ADAM12: variants seen among roughly 807,000 people sequenced by gnomAD.
ADAM12 encodes the protein disintegrin and metalloproteinase domain-containing protein 12.
In ADAM12, 70 loss-of-function variants were observed where a neutral mutation model predicts 106.4. The ratio of observed to expected loss-of-function variants is 0.66; its 90% CI spans 0.54 to 0.80. The LOEUF is 0.80. ADAM12 is among the 30% of genes least tolerant of loss of function. The pLI is 0.00. For synonymous variants in ADAM12, 420 were observed against 433.5 expected (o/e 0.97, Z 0.39); for missense variants, 1,010 against 1,171.9 (o/e 0.86, Z 2.02).
At chr10:126,364,656 G>A (rs960673687) in intron 1 of ADAM12, among the ~76,000 whole-genome samples, 24 of 152,042 alleles carry the variant, frequency 1.6e-4, no homozygotes, top group African/African-American at 5.6e-4. Context: ...AAAGGGTAGT[G>A]CTCATATATA....
At chr10:126,279,556 T>A (rs567260365) in intron 2 of ADAM12, among the ~76,000 whole-genome samples, 1 of 151,812 alleles carries the variant, frequency 6.6e-6, no homozygotes, top group Non-Finnish European at 1.5e-5. Flanking sequence ...TGAAACCCCA[T>A]CTCTATTAAA....
chr10:126,142,735 C>T (rs910882589), intron 4 of ADAM12, among the ~76,000 whole-genome samples: 1 of 152,216 alleles, frequency 6.6e-6, no homozygotes, highest in Non-Finnish European at 1.5e-5. Context: ...AGCCTCATTA[C>T]AGTGTCACTC....
At chr10:126,311,370 T>C (rs558340859) in intron 2 of ADAM12, among the ~76,000 whole-genome samples, 90 of 152,252 alleles carry the variant, frequency 5.9e-4, no homozygotes, top group African/African-American at 2.0e-3. Flanking sequence ...AGTAGCACAG[T>C]GCTTAGGGCA....
At chr10:126,279,311 G>A in intron 2 of ADAM12, among the ~76,000 whole-genome samples, 1 of 151,942 alleles carries the variant, frequency 6.6e-6, no homozygotes, top group African/African-American at 2.4e-5. Context: ...TTGTGCCTGT[G>A]GTCCTAGCTA....
chr10:126,079,368 G>C (rs1436391512), intron 11 of ADAM12, among the ~76,000 whole-genome samples: 1 of 151,376 alleles, frequency 6.6e-6, no homozygotes, highest in Non-Finnish European at 1.5e-5. Flanking sequence ...CCACGAATCT[G>C]CTTTCTGTCT....
chr10:126,339,386 C>T (rs1355939435), intron 1 of ADAM12, among the ~76,000 whole-genome samples: 2 of 152,190 alleles, frequency 1.3e-5, no homozygotes, highest in African/African-American at 2.4e-5. Flanking sequence ...CTTGTCAATA[C>T]CATCCACATT....
chr10:126,224,182 G>A (rs1958148534), intron 3 of ADAM12, among the ~76,000 whole-genome samples: 1 of 152,054 alleles, frequency 6.6e-6, no homozygotes, highest in Non-Finnish European at 1.5e-5. Flanking sequence ...AGCCCAGAGA[G>A]GGCCTGACTT....
At chr10:126,209,842 C>G (rs1957866657) in intron 3 of ADAM12, among the ~76,000 whole-genome samples, 2 of 152,176 alleles carry the variant, frequency 1.3e-5, no homozygotes, top group South Asian at 4.1e-4. Flanking sequence ...GACAGCAGAA[C>G]ACGACTCAAT....
At chr10:126,308,357 C>T (rs1464908194) in intron 2 of ADAM12, among the ~76,000 whole-genome samples, 3 of 152,200 alleles carry the variant, frequency 2.0e-5, no homozygotes, top group Non-Finnish European at 4.4e-5. Context: ...TGGACCTTGT[C>T]TCCCAAGTTA....
intron 12 of ADAM12, among the ~76,000 whole-genome samples, chr10:126,067,298 T>C (rs920239647): frequency 3.9e-5 from 6 of 152,252 alleles, no homozygotes; most frequent in African/African-American, 1.4e-4. Flanking sequence ...CACAATTCCC[T>C]GCAATCTCGC....
Position 126,330,413 on chromosome 10 carries a change from T to G in ADAM12, c.185A>C (p.Lys62Thr). ...GCTGAGAAAAGGAGAGGAACTCACCTTGGAGTCGAAGCTCTTCACTGGGAT... is the reference window on the plus strand; with the variant it reads ...GCTGAGAAAAGGAGAGGAACTCACCGTGGAGTCGAAGCTCTTCACTGGGAT... ...LWIPVKSFDS[K>T]NHPEVLNIRL... The change falls in exon 2 of 23, where the codon AAG (lysine) becomes ACG (threonine). Residue 62 changes from lysine to threonine, a missense_variant and splice_region_variant. Lys to Thr is a moderately conservative substitution (Grantham distance 78, BLOSUM62 -1). Coordinates refer to ENST00000448723, the MANE Select transcript of ADAM12 (RefSeq NM_001288973.2). 1.2e-6 allele frequency: 2 copies of G among 1,611,584 alleles called. No individual in the cohort carries two copies. The highest frequency in any genetic ancestry group is 1.7e-6 in the Non-Finnish European group (2 of 1,179,204).
At chr10:126,316,796 A>AAAAAAAG (rs1367082399) in intron 2 of ADAM12, among the ~76,000 whole-genome samples, 3 of 151,824 alleles carry the variant, frequency 2.0e-5, no homozygotes, top group Admixed American at 2.0e-4. Flanking sequence ...AAAAAAAAAA[A>AAAAAAAG]AAAAAGAAAA....
intron 1 of ADAM12, among the ~76,000 whole-genome samples, chr10:126,386,168 G>T (rs1856653135): frequency 6.6e-6 from 1 of 152,116 alleles, no homozygotes; most frequent in Non-Finnish European, 1.5e-5. Flanking sequence ...CTGGGTTCAG[G>T]AAGGCTGGGG....
In ADAM12 at chr10:126,049,172, T is replaced by C; in HGVS notation, c.1917+81A>G. The C allele has an allele frequency of 6.4e-7, 1 of 1,568,168 alleles. No individual in the cohort carries two copies. Among genetic ancestry groups the C allele is most frequent in the Non-Finnish European group, 8.7e-7 (1 of 1,148,436 alleles). On this transcript the variant is annotated intron_variant, in intron 16 of 22. Transcript: ENST00000448723. The surrounding 1 kb of genome is among the most constrained non-coding windows in gnomAD (Gnocchi z 4.4). ...GTAGATTTAGGAAAACCAACAAACC[T>C]TGTAACCCAGTTCTTGCTGTTTTTC...
intron 16 of ADAM12, among the ~76,000 whole-genome samples, chr10:126,047,875 A>G (rs1954369556): frequency 6.6e-6 from 1 of 152,248 alleles, no homozygotes; most frequent in African/African-American, 2.4e-5. Flanking sequence ...CACAATAGCA[A>G]AGACATGGAC....
At chr10:126,357,643 G>A (rs1047184186) in intron 1 of ADAM12, among the ~76,000 whole-genome samples, 11 of 152,130 alleles carry the variant, frequency 7.2e-5, no homozygotes, top group South Asian at 2.1e-4. Context: ...AGCAGAAGGC[G>A]AAGCAAACAA....
chr10:126,173,537 C>CT (rs1346566036), intron 3 of ADAM12, among the ~76,000 whole-genome samples: 1 of 152,228 alleles, frequency 6.6e-6, no homozygotes, highest in East Asian at 1.9e-4. Flanking sequence ...ACACAGCCAA[C>CT]TGTCCTCTGT....
At chr10:126,279,058 C>T (rs1469360087) in intron 2 of ADAM12, 70 bp from the exon 3 acceptor site, 2 of 1,179,058 alleles carry the variant, frequency 1.7e-6, no homozygotes, top group African/African-American at 3.0e-5. Context: ...GAATAAGACC[C>T]ACAGGCGTAG....
chr10:126,359,774 C>T (rs1054494358), intron 1 of ADAM12, among the ~76,000 whole-genome samples: 7 of 152,136 alleles, frequency 4.6e-5, no homozygotes, highest in East Asian at 1.9e-4. Flanking sequence ...GAGGATGGGG[C>T]GGCCCTCTTC....
Sources: gnomAD v4.1 joint callset for allele counts (sites outside exome capture counted in the v4.1 genomes callset) on GRCh38, gnomAD v4.1.1 for gene constraint, Gnocchi (gnomAD v3.1) non-coding constraint, MANE v1.5 for transcripts, NCBI Gene and HGNC (gene_info 2026-07-23, HGNC 2026-07-21) for gene names.